DIRAS2: variants seen among roughly 807,000 people sequenced by gnomAD.
DIRAS2 encodes the protein DIRAS family GTPase 2.
A neutral mutation model predicts 13.9 loss-of-function variants in DIRAS2; 5 were observed. The observed-to-expected ratio is 0.36, with a 90% CI of 0.19 to 0.76. DIRAS2 has a LOEUF of 0.76. DIRAS2 is among the 30% of genes least tolerant of loss of function. DIRAS2 has a pLI of 0.53. For missense variants in DIRAS2, 191 were observed against 263.0 expected, an observed-to-expected ratio of 0.73 and a Z score of 1.89; for synonymous variants, 111 against 105.4, an observed-to-expected ratio of 1.05 and a Z score of -0.33.
chr9:90,627,513 G>A (rs1402344837), intron 1 of DIRAS2, among the ~76,000 whole-genome samples: 1 of 152,186 alleles, frequency 6.6e-6, no homozygotes, highest in Non-Finnish European at 1.5e-5. Flanking sequence ...GAGTTGCCAG[G>A]GGCTAAGGGA....
At chr9:90,616,736 C>CA (rs11422558) in intron 1 of DIRAS2, among the ~76,000 whole-genome samples, 31,023 of 88,880 alleles carry the variant, frequency 0.35, 5,532 homozygotes, top group East Asian at 0.57. Context: ...GACTCCATCA[C>CA]AAAAAAAAAA....
chr9:90,626,707 G>A lies in DIRAS2; in HGVS notation c.-36-12844C>T, dbSNP rs533429775. On this transcript the variant is annotated intron_variant, in intron 1 of 1. Transcript: ENST00000375765. ...TAATCTAAAATGGTACAAAATCTGC[G>A]GAAGAAATCAAAGATAGAATTACTG... Among the ~76,000 whole-genome samples, 8 of 152,254 alleles carry A rather than the reference G, an allele frequency of 5.3e-5. No homozygotes were observed. The South Asian group carries it at 1.0e-3, about 20-fold the overall frequency.
chr9:90,629,467 C>T (rs1308870936), intron 1 of DIRAS2, among the ~76,000 whole-genome samples: 3 of 151,640 alleles, frequency 2.0e-5, no homozygotes, highest in East Asian at 3.9e-4. Flanking sequence ...AATAATCCAC[C>T]GGAATGTATG....
chr9:90,620,406 T>C (rs1364438944), intron 1 of DIRAS2, among the ~76,000 whole-genome samples: 4 of 152,166 alleles, frequency 2.6e-5, no homozygotes, highest in African/African-American at 9.7e-5. Context: ...GAACAAACCC[T>C]GAAATATTCA....
At chr9:90,640,372 G>A (rs948012476) in intron 1 of DIRAS2, among the ~76,000 whole-genome samples, 3 of 152,128 alleles carry the variant, frequency 2.0e-5, no homozygotes, top group Admixed American at 1.3e-4. Context: ...GTCCTTCCCC[G>A]TCAGTGAGGA....
Position 90,628,860 on chromosome 9 carries a change from C to CTT in DIRAS2, c.-37+13890_-37+13891dup, listed in dbSNP as rs71360440. Among the ~76,000 whole-genome samples, 175 of 147,868 alleles carry CTT rather than the reference C, an allele frequency of 1.2e-3. 2 individuals carry two copies. In the South Asian group the frequency reaches 0.018, roughly 16 times the overall value. On this transcript the variant is annotated intron_variant, in intron 1 of 1. Coordinates refer to ENST00000375765, the MANE Select transcript of DIRAS2 (RefSeq NM_017594.5). ...CCTTGCCCAGCCTAAAAATATATTACTTTTTTTTTTTTGAGACGGAGTCTC... is the reference window on the plus strand; with the variant it reads ...CCTTGCCCAGCCTAAAAATATATTACTTTTTTTTTTTTTTGAGACGGAGTCTC...
Position 90,613,280 on chromosome 9 carries a change from C to T in DIRAS2, c.548G>A (p.Ser183Asn). Residue 183 changes from serine to asparagine, a missense_variant, in exon 2 of 2, where the codon AGC (serine) becomes AAC (asparagine). Ser to Asn is a conservative substitution (Grantham distance 46, BLOSUM62 1). Transcript: ENST00000375765. This position sits in a 1 kb window ranked among gnomAD's most constrained non-coding sequence, Gnocchi z 5.6. ...CTTCTCTTTCCTTTTCTGCTGCTTGCTCTTTTTCCCGTCGATCTGGAGACT... is the reference window on the plus strand; with the variant it reads ...CTTCTCTTTCCTTTTCTGCTGCTTGTTCTTTTTCCCGTCGATCTGGAGACT... The part of the protein sequence containing the change: ...TVSLQIDGKK[S>N]KQQKRKEKLK... The T allele has an allele frequency of 1.2e-6, 2 of 1,613,964 alleles. No individual in the cohort carries two copies. The highest frequency in any genetic ancestry group is 1.7e-6 in the Non-Finnish European group (2 of 1,179,996).
chr9:90,613,070 T>G lies in DIRAS2; in HGVS notation c.*158A>C. The G allele has an allele frequency of 9.5e-7, 1 of 1,049,696 alleles. No individual in the cohort carries two copies. Among genetic ancestry groups the G allele is most frequent in the African/African-American group, 1.6e-5 (1 of 63,068 alleles). 65.0% of individuals were successfully genotyped at this position (1,049,696 alleles called of 1,614,324 possible). A position where few individuals can be genotyped will look rare whatever the true frequency, so the allele number is the denominator to read the frequency against. ...TCCAGAGTGGGTGGCTTACTGTTGGTGGTGTGAAACGCCCTCTTAAGGACA... is the reference window on the plus strand; with the variant it reads ...TCCAGAGTGGGTGGCTTACTGTTGGGGGTGTGAAACGCCCTCTTAAGGACA... On this transcript the variant is annotated 3_prime_UTR_variant, in exon 2 of 2. Transcript: ENST00000375765. The surrounding 1 kb of genome is among the most constrained non-coding windows in gnomAD (Gnocchi z 5.6).
In DIRAS2 at chr9:90,613,791, A is replaced by G; in HGVS notation, c.37T>C (p.Phe13Leu). 1 of 1,614,016 alleles carries G rather than the reference A, an allele frequency of 6.2e-7. No individual in the cohort carries two copies. Among genetic ancestry groups the G allele is most frequent in the Admixed American group, 1.7e-5 (1 of 60,026 alleles). ...CTCTTGCCAACACCGCCAGCCCCAA[A>G]CACGGCCACCCGGTAATCGTTACTC... ...EQSNDYRVAV[F>L]GAGGVGKSSL... The change falls in exon 2 of 2, where the codon TTT (phenylalanine) becomes CTT (leucine). Residue 13 changes from phenylalanine to leucine, a missense_variant. Transcript: ENST00000375765. This position sits in a 1 kb window ranked among gnomAD's most constrained non-coding sequence, Gnocchi z 5.6.
At position 90,613,136 on chromosome 9, in the gene DIRAS2, G is replaced by A; in HGVS notation, c.*92C>T. The A allele has an allele frequency of 6.6e-7, 1 of 1,507,278 alleles. No individual in the cohort carries two copies. Among genetic ancestry groups the A allele is most frequent in the South Asian group, 1.3e-5 (1 of 76,674 alleles). The allele number at this position is 1,507,278 out of a possible 1,614,324, so 93.4% of individuals were successfully genotyped here. A position where few individuals can be genotyped will look rare whatever the true frequency, so the allele number is the denominator to read the frequency against. On this transcript the variant is annotated 3_prime_UTR_variant, in exon 2 of 2. Transcript: ENST00000375765. The surrounding 1 kb of genome is among the most constrained non-coding windows in gnomAD (Gnocchi z 5.6). ...ATTAAATGCAATGTTTAACACGTGG[G>A]CATTATACATGCTACCCTGACGACG...
intron 1 of DIRAS2, among the ~76,000 whole-genome samples, chr9:90,634,111 C>G (rs1160014231): frequency 6.6e-6 from 1 of 152,132 alleles, no homozygotes; most frequent in Non-Finnish European, 1.5e-5. Flanking sequence ...TGGGGAGGCT[C>G]CCTCTGGTCC....
intron 1 of DIRAS2, among the ~76,000 whole-genome samples, chr9:90,615,948 A>G (rs1825165121): frequency 1.3e-5 from 2 of 152,268 alleles, no homozygotes; most frequent in South Asian, 4.1e-4. Flanking sequence ...GCTTCTTTCT[A>G]CATCCTCAGA....
intron 1 of DIRAS2, among the ~76,000 whole-genome samples, chr9:90,628,742 T>C (rs150665627): frequency 5.4e-4 from 83 of 152,316 alleles, no homozygotes; most frequent in South Asian, 1.0e-3. Context: ...AGACAAGGTT[T>C]CATCATGTTG....
At position 90,613,439 on chromosome 9, in the gene DIRAS2, T is replaced by A. The variant is rs1210177521; in HGVS notation, c.389A>T (p.Glu130Val). ...GGCCTCCGCCTCGCTGCTCTGCACC[T>A]CGCGGCTGGGGCTCTCATCACACTT... is the stretch of plus-strand genomic sequence containing the variant. ...GNKCDESPSREVQSSEAEALA... is the reference protein window; with the variant it reads ...GNKCDESPSRVVQSSEAEALA... Residue 130 changes from glutamate to valine, a missense_variant, in exon 2 of 2, where the codon GAG (glutamate) becomes GTG (valine). Transcript: ENST00000375765. This position sits in a 1 kb window ranked among gnomAD's most constrained non-coding sequence, Gnocchi z 5.6. The A allele has an allele frequency of 6.2e-7, 1 of 1,614,088 alleles. No individual in the cohort carries two copies. Among genetic ancestry groups the A allele is most frequent in the Admixed American group, 1.7e-5 (1 of 60,018 alleles).
chr9:90,613,243 C>G lies in DIRAS2; in HGVS notation c.585G>C (p.Lys195Asn), dbSNP rs1173493031. Residue 195 changes from lysine (K) to asparagine (N), a missense_variant, in exon 2 of 2, where the codon AAG becomes AAC. Lys to Asn is a moderately conservative substitution (Grantham distance 94, BLOSUM62 0). Transcript: ENST00000375765. The surrounding 1 kb of genome is among the most constrained non-coding windows in gnomAD (Gnocchi z 5.6). ...QQKRKEKLKG[K>N]CVIM Reference sequence around the variant, plus strand: ...GGAAGGGCCTTCACATGATCACGCACTTGCCTTTGAGCTTCTCTTTCCTTT... The same window carrying G: ...GGAAGGGCCTTCACATGATCACGCAGTTGCCTTTGAGCTTCTCTTTCCTTT... The G allele has an allele frequency of 2.5e-6, 4 of 1,613,302 alleles. No individual in the cohort carries two copies. In the East Asian group the frequency reaches 8.9e-5, roughly 36 times the overall value.
chr9:90,618,651 G>A (rs947866283), intron 1 of DIRAS2, among the ~76,000 whole-genome samples: 5 of 151,888 alleles, frequency 3.3e-5, no homozygotes, highest in African/African-American at 1.2e-4. Context: ...ATCTGATAAG[G>A]GACTAGTTCT....
chr9:90,615,657 GA>G (rs1825162410), intron 1 of DIRAS2, among the ~76,000 whole-genome samples: 1 of 152,196 alleles, frequency 6.6e-6, no homozygotes, highest in Non-Finnish European at 1.5e-5. Context: ...CCAATATGAA[GA>G]AGCTGGATCT....
At chr9:90,631,232 G>A (rs1441300146) in intron 1 of DIRAS2, among the ~76,000 whole-genome samples, 2 of 152,164 alleles carry the variant, frequency 1.3e-5, no homozygotes, top group Non-Finnish European at 2.9e-5. Context: ...AGAGAGAGCA[G>A]CAGGTACAAA....
At chr9:90,623,765 C>T (rs891416482) in intron 1 of DIRAS2, among the ~76,000 whole-genome samples, 11 of 152,288 alleles carry the variant, frequency 7.2e-5, no homozygotes, top group African/African-American at 2.6e-4. Flanking sequence ...TGGAGCTGGG[C>T]ATGGTGACAC....
Sources: allele counts gnomAD v4.1 joint callset (sites outside exome capture counted in the v4.1 genomes callset), GRCh38; gene constraint gnomAD v4.1.1; non-coding constraint Gnocchi (gnomAD v3.1); transcripts MANE v1.5; gene names NCBI Gene and HGNC (gene_info 2026-07-23, HGNC 2026-07-21).